AHNAK: variants seen among roughly 807,000 people sequenced by gnomAD.
AHNAK encodes the protein AHNAK nucleoprotein.
A neutral mutation model predicts 37.8 loss-of-function variants in AHNAK; 23 were observed. The ratio of observed to expected loss-of-function variants is 0.61; its 90% CI spans 0.44 to 0.86. The LOEUF (loss-of-function observed/expected upper bound fraction) is 0.86. Ranked by LOEUF, AHNAK falls within the 40% of genes least tolerant of loss-of-function variation. AHNAK has a pLI of 0.00. For synonymous variants in AHNAK, 2,481 were observed against 2,636.3 expected, an observed-to-expected ratio of 0.94 and a Z score of 1.80; for missense variants, 7,411 against 7,319.4, an observed-to-expected ratio of 1.01 and a Z score of -0.46.
At position 62,516,835 on chromosome 11, in the gene AHNAK, C is replaced by T. The variant is rs552270383; in HGVS notation, c.17582G>A (p.Arg5861Gln). Residue 5861 changes from arginine to glutamine, a missense_variant, in exon 5 of 5, where the codon CGA (arginine) becomes CAA (glutamine). Coordinates refer to ENST00000378024, the MANE Select transcript of AHNAK (RefSeq NM_001620.3). ...GTCATTGCTAGAAGAGGAGGACAGT[C>T]GGGACTTCTTAGAGGCCAGGGACAC... ...SGVSLASKKS[R>Q]LSSSSSNDSG... 27 of 1,614,158 alleles carry T rather than the reference C, an allele frequency of 1.7e-5. 1 individual carries two copies. The highest frequency in any genetic ancestry group is 1.2e-4 in the African/African-American group (9 of 75,020).
At chr11:62,446,174 A>G (rs1296362527) in intron 5 of AHNAK, among the ~76,000 whole-genome samples, 1 of 152,092 alleles carries the variant, frequency 6.6e-6, no homozygotes, top group East Asian at 1.9e-4. Context: ...AAGGGAGAAG[A>G]AGAGCTGCCA....
chr11:62,446,133 G>A (rs531164829), intron 5 of AHNAK, among the ~76,000 whole-genome samples: 2 of 152,216 alleles, frequency 1.3e-5, no homozygotes, highest in East Asian at 3.9e-4. Context: ...TTCCTACAAG[G>A]AGTCAGCACA....
At position 62,517,397 on chromosome 11, in the gene AHNAK, C is replaced by G; in HGVS notation, c.17020G>C (p.Val5674Leu). 6.2e-7 allele frequency: 1 copy of G among 1,614,232 alleles called. No individual in the cohort carries two copies. The highest frequency in any genetic ancestry group is 8.5e-7 in the Non-Finnish European group (1 of 1,180,028). The change falls in exon 5 of 5, where the codon GTT becomes CTT. Residue 5674 changes from valine to leucine, a missense_variant. Transcript: ENST00000378024. ...PKFTFSGREL[V>L]GREMGVDVHF... ...ACATCCACCCCCATTTCTCTGCCAA[C>G]CAGCTCACGGCCAGAGAAGGTAAAT...
chr11:62,504,723 A>G (rs1166892444), intron 4 of AHNAK, among the ~76,000 whole-genome samples: 2 of 152,054 alleles, frequency 1.3e-5, no homozygotes, highest in African/African-American at 4.8e-5. Flanking sequence ...GGGGAACCTT[A>G]AGGCCAAAAC....
chr11:62,526,836 G>C lies in AHNAK; in HGVS notation c.7581C>G (p.Gly2527=). ...KFSMPGFKAE[G]PEVDVNLPKA... is the part of the protein sequence containing the mutation. Reference sequence around the variant, plus strand: ...TAGGCAAGTTGACGTCTACTTCAGGGCCCTCTGCTTTGAAGCCAGGCATGC... The same window carrying C: ...TAGGCAAGTTGACGTCTACTTCAGGCCCCTCTGCTTTGAAGCCAGGCATGC... The change falls in exon 5 of 5, where the codon GGC becomes GGG. Residue 2527 remains glycine (G), a synonymous_variant. Coordinates refer to ENST00000378024, the MANE Select transcript of AHNAK (RefSeq NM_001620.3). 1.2e-6 allele frequency: 2 copies of C among 1,613,364 alleles called. No homozygotes were observed. The highest frequency in any genetic ancestry group is 1.7e-6 in the Non-Finnish European group (2 of 1,179,872).
chr11:62,528,226 T>C lies in AHNAK; in HGVS notation c.6191A>G (p.Glu2064Gly), dbSNP rs535778007. The C allele has an allele frequency of 3.1e-6, 5 of 1,614,122 alleles. No homozygotes were observed. The highest frequency in any genetic ancestry group is 4.2e-6 in the Non-Finnish European group (5 of 1,180,036). Residue 2064 changes from glutamate (E) to glycine (G), a missense_variant, in exon 5 of 5, where the codon GAG (glutamate) becomes GGG (glycine). By Grantham distance (98) the Glu-to-Gly change is moderately conservative. Transcript: ENST00000378024. ...CAAGTTCACATCCACTTCTGGGCCC[T>C]CTGCTTTGAAGCCAGGCATGCTGAA... The part of the protein sequence containing the change: ...PKFSMPGFKA[E>G]GPEVDVNLPK...
intron 5 of AHNAK, among the ~76,000 whole-genome samples, chr11:62,455,742 G>A (rs1367271321): frequency 6.6e-6 from 1 of 150,972 alleles, no homozygotes; most frequent in Non-Finnish European, 1.5e-5. Flanking sequence ...GCGGGCACTT[G>A]TAATCCCAGC....
chr11:62,470,467 G>A (rs1265120411), intron 5 of AHNAK, among the ~76,000 whole-genome samples: 1 of 150,916 alleles, frequency 6.6e-6, no homozygotes, highest in Non-Finnish European at 1.5e-5. Context: ...TTAGCTGGGC[G>A]TGGTGACACA....
chr11:62,480,951 C>A (rs1208000581), intron 5 of AHNAK, among the ~76,000 whole-genome samples: 1 of 152,112 alleles, frequency 6.6e-6, no homozygotes, highest in Non-Finnish European at 1.5e-5. Context: ...CCTCGACCTT[C>A]CCCCAAAAGC....
At chr11:62,543,869 G>GCCAGC (rs926774025) in intron 1 of AHNAK, among the ~76,000 whole-genome samples, 2 of 152,220 alleles carry the variant, frequency 1.3e-5, no homozygotes, top group African/African-American at 2.4e-5. Context: ...ACAGCACGGT[G>GCCAGC]CCAGCCCAGC....
At chr11:62,460,001 A>G (rs768185370) in intron 5 of AHNAK, among the ~76,000 whole-genome samples, 4 of 151,952 alleles carry the variant, frequency 2.6e-5, no homozygotes, top group African/African-American at 4.8e-5. Context: ...TTAGCTGGGC[A>G]TAGCTATTCG....
intron 5 of AHNAK, among the ~76,000 whole-genome samples, chr11:62,461,121 C>T (rs1045013167): frequency 4.7e-5 from 7 of 148,572 alleles, no homozygotes; most frequent in African/African-American, 9.9e-5. Context: ...AGGCGTGGGC[C>T]ACCACGCCCG....
intron 4 of AHNAK, among the ~76,000 whole-genome samples, chr11:62,503,607 A>G (rs1939753068): frequency 1.3e-5 from 2 of 152,244 alleles, no homozygotes; most frequent in Middle Eastern, 6.8e-3. Flanking sequence ...AAAAGAAAAA[A>G]AAAGTGAGTG....
In AHNAK at chr11:62,519,151, T is replaced by C. The variant is rs1171668002; in HGVS notation, c.15266A>G (p.Tyr5089Cys). The C allele has an allele frequency of 1.2e-6, 2 of 1,613,776 alleles. No homozygotes were observed. Among genetic ancestry groups the C allele is most frequent in the Non-Finnish European group, 1.7e-6 (2 of 1,179,914 alleles). The change falls in exon 5 of 5, where the codon TAC becomes TGC. Residue 5089 changes from tyrosine to cysteine, a missense_variant. Physicochemically the swap from Tyr to Cys is radical, Grantham distance 194 (BLOSUM62 -2). Coordinates refer to ENST00000378024, the MANE Select transcript of AHNAK (RefSeq NM_001620.3). ...AATGTCAAACTCTACATCTGGGAAG[T>C]ACATTTTTCCAAACATCGTTTTCTT... ...KTKKTMFGKM[Y>C]FPDVEFDIKS...
chr11:62,524,718 C>T lies in AHNAK; in HGVS notation c.9699G>A (p.Met3233Ile). The T allele has an allele frequency of 6.2e-7, 1 of 1,614,210 alleles. No homozygotes were observed. The highest frequency in any genetic ancestry group is 8.5e-7 in the Non-Finnish European group (1 of 1,180,030). Residue 3233 changes from methionine to isoleucine, a missense_variant, in exon 5 of 5, where the codon ATG (methionine) becomes ATA (isoleucine). Physicochemically the swap from Met to Ile is conservative, Grantham distance 10. Coordinates refer to ENST00000378024, the MANE Select transcript of AHNAK (RefSeq NM_001620.3). ...CAAGTGAAACATCCACCTCTCCTTT[C>T]ATTTTAGGGCCTTTAAGATTGAGGT... is the stretch of plus-strand genomic sequence containing the variant. ...DLDLNLKGPK[M>I]KGEVDVSLAN... is the part of the protein sequence containing the mutation.
At position 62,516,427 on chromosome 11, in the gene AHNAK, T is replaced by A. The variant is rs1044741883; in HGVS notation, c.*317A>T. The A allele has an allele frequency of 3.2e-6, 4 of 1,253,772 alleles. No individual in the cohort carries two copies. The highest frequency in any genetic ancestry group is 3.1e-5 in the African/African-American group (2 of 64,632). The allele number at this position is 1,253,772 out of a possible 1,614,324, so 77.7% of individuals were successfully genotyped here. Reference sequence around the variant, plus strand: ...TAACAATGTTCAGTAAAAATGAGGATAATAAACACAAAAGCTTGCTTAGTA... The same window carrying A: ...TAACAATGTTCAGTAAAAATGAGGAAAATAAACACAAAAGCTTGCTTAGTA... On this transcript the variant is annotated 3_prime_UTR_variant, in exon 5 of 5. Transcript: ENST00000378024.
chr11:62,523,526 T>C lies in AHNAK; in HGVS notation c.10891A>G (p.Ile3631Val), dbSNP rs377722899. The C allele has an allele frequency of 1.9e-6, 3 of 1,613,904 alleles. No homozygotes were observed. The highest frequency in any genetic ancestry group is 2.7e-5 in the African/African-American group (2 of 74,880). The change falls in exon 5 of 5, where the codon ATT (isoleucine) becomes GTT (valine). Residue 3631 changes from isoleucine (I) to valine (V), a missense_variant. Transcript: ENST00000378024. The part of the protein sequence containing the change: ...EVDVTLPKAD[I>V]DISGPNVDVD... ...TCTACATTGGGACCAGAAATGTCAATGTCAGCTTTAGGGAGGGTAACATCG... is the reference window on the plus strand; with the variant it reads ...TCTACATTGGGACCAGAAATGTCAACGTCAGCTTTAGGGAGGGTAACATCG...
intron 5 of AHNAK, among the ~76,000 whole-genome samples, chr11:62,441,791 C>T (rs1301247497): frequency 3.3e-5 from 5 of 152,064 alleles, no homozygotes; most frequent in South Asian, 2.1e-4. Flanking sequence ...CATGTGCCAC[C>T]GAGCCTAGCC....
Position 62,507,052 on chromosome 11 carries a change from T to C in AHNAK, c.343-15221A>G, listed in dbSNP as rs972062017. Among the ~76,000 whole-genome samples, 3 of 152,126 alleles carry C rather than the reference T, an allele frequency of 2.0e-5. No homozygotes were observed. The East Asian group carries it at 5.8e-4, about 29-fold the overall frequency. On this transcript the variant is annotated intron_variant, in intron 4 of 5. Coordinates refer to the AHNAK transcript ENST00000257247. ...GCACACATCTCCACTTCCACACTTT[T>C]ATTCCCCGGTCCTTCTGCCTGGAAT...
Sources: gnomAD v4.1 joint callset for allele counts (sites outside exome capture counted in the v4.1 genomes callset) on GRCh38, gnomAD v4.1.1 for gene constraint, MANE v1.5 for transcripts, NCBI Gene and HGNC (gene_info 2026-07-23, HGNC 2026-07-21) for gene names.